Variants in KIAA1328 observed in about 807,000 individuals in gnomAD.
The protein encoded by KIAA1328 is KIAA1328, also known as protein hinderin.
A neutral mutation model predicts 68.1 loss-of-function variants in KIAA1328; 52 were observed. The observed-to-expected ratio is 0.76, with a 90% CI of 0.61 to 0.96. The LOEUF (loss-of-function observed/expected upper bound fraction) is 0.96, where lower values mean the gene tolerates loss of function less well. KIAA1328 is among the 40% of genes least tolerant of loss of function. KIAA1328 has a pLI of 0.00. For synonymous variants in KIAA1328, 232 were observed against 239.4 expected, an observed-to-expected ratio of 0.97 and a Z score of 0.28; for missense variants, 641 against 677.6, an observed-to-expected ratio of 0.95 and a Z score of 0.60.
rs114292805 is a variant in KIAA1328, at chr18:36,914,949, C to T, written c.448+29277C>T. ...GACTACATTCATGGAGTAGAAGATT[C>T]AACATAGTGAAGATGTTAATTATCC... On this transcript the variant is annotated intron_variant, in intron 5 of 9. Transcript: ENST00000280020. Among the ~76,000 whole-genome samples the T allele has an allele frequency of 2.8e-3, 428 of 152,158 alleles. 3 individuals are homozygous for T. The highest frequency in any genetic ancestry group is 9.9e-3 in the African/African-American group (409 of 41,520).
At position 36,940,921 on chromosome 18, in the gene KIAA1328, G is replaced by A. The variant is rs962618382; in HGVS notation, c.449-18387G>A. Among the ~76,000 whole-genome samples, 7 of 151,914 alleles carry A rather than the reference G, an allele frequency of 4.6e-5. 1 individual carries two copies. In the South Asian group the frequency reaches 1.0e-3, roughly 23 times the overall value. Reference sequence around the variant, plus strand: ...GATCTCTTGACCTTGTGATCCACCCGCCTCGGCCTCCCAAAGTGCTGGAAT... The same window carrying A: ...GATCTCTTGACCTTGTGATCCACCCACCTCGGCCTCCCAAAGTGCTGGAAT... On this transcript the variant is annotated intron_variant, in intron 5 of 9. Coordinates refer to ENST00000280020, the MANE Select transcript of KIAA1328 (RefSeq NM_020776.3).
chr18:37,111,889 CAG>C (rs1471579718), intron 7 of KIAA1328, among the ~76,000 whole-genome samples: 1 of 152,208 alleles, frequency 6.6e-6, no homozygotes, highest in Admixed American at 6.5e-5. Flanking sequence ...GTGCCTGGCT[CAG>C]AGGGTCCCAT....
chr18:37,220,410 T>C (rs924533016), intron 9 of KIAA1328, among the ~76,000 whole-genome samples: 2 of 152,252 alleles, frequency 1.3e-5, no homozygotes, highest in Non-Finnish European at 2.9e-5. Flanking sequence ...CATTAGAAAT[T>C]GCATATGAGA....
At chr18:37,197,660 T>C (rs560711610) in intron 9 of KIAA1328, among the ~76,000 whole-genome samples, 5 of 152,130 alleles carry the variant, frequency 3.3e-5, no homozygotes, top group African/African-American at 1.2e-4. Flanking sequence ...TGCAGAATAC[T>C]GAAGGATTCT....
In KIAA1328 at chr18:37,222,067, C is replaced by A; in HGVS notation, c.1574C>A (p.Ala525Glu). 3 of 1,613,608 alleles carry A rather than the reference C, an allele frequency of 1.9e-6. No homozygotes were observed. Among genetic ancestry groups the A allele is most frequent in the Non-Finnish European group, 2.5e-6 (3 of 1,179,730 alleles). Residue 525 changes from alanine to glutamate, a missense_variant, in exon 10 of 10, where the codon GCG becomes GAG. Transcript: ENST00000280020. ...DLVQSLSPNS[A>E]PKPQRYPSRE... is the part of the protein sequence containing the mutation. ...GTTCAGTCTCTGAGCCCAAACTCTGCGCCCAAACCTCAGCGCTATCCCTCC... is the reference window on the plus strand; with the variant it reads ...GTTCAGTCTCTGAGCCCAAACTCTGAGCCCAAACCTCAGCGCTATCCCTCC...
chr18:36,836,237 A>T (rs982346555), intron 3 of KIAA1328, among the ~76,000 whole-genome samples: 1 of 152,202 alleles, frequency 6.6e-6, no homozygotes, highest in African/African-American at 2.4e-5. Flanking sequence ...CAGTGTACCC[A>T]CTTCACACTG....
chr18:36,997,536 T>C (rs540844359), intron 6 of KIAA1328, among the ~76,000 whole-genome samples: 27 of 152,240 alleles, frequency 1.8e-4, no homozygotes, highest in African/African-American at 6.5e-4. Flanking sequence ...AACCATGGGT[T>C]GGGACTGCTT....
At chr18:37,043,221 C>T (rs566808147) in intron 6 of KIAA1328, among the ~76,000 whole-genome samples, 12 of 152,136 alleles carry the variant, frequency 7.9e-5, no homozygotes, top group Non-Finnish European at 1.6e-4. Flanking sequence ...TTTTTCTTTA[C>T]AAGTCCAATA....
chr18:36,914,201 A>G (rs1329544366), intron 5 of KIAA1328, among the ~76,000 whole-genome samples: 2 of 152,222 alleles, frequency 1.3e-5, no homozygotes, highest in African/African-American at 4.8e-5. Flanking sequence ...GAAATGCAAG[A>G]AACAAAGCCT....
intron 3 of KIAA1328, 76 bp from the exon 4 acceptor site, chr18:36,844,132 C>T: frequency 1.1e-6 from 1 of 877,006 alleles, no homozygotes; most frequent in South Asian, 1.7e-5. Context: ...AGAAATTTCA[C>T]CTTGCACCTA....
chr18:36,898,666 C>T (rs1035778387), intron 5 of KIAA1328, among the ~76,000 whole-genome samples: 9 of 151,910 alleles, frequency 5.9e-5, no homozygotes, highest in Non-Finnish European at 1.3e-4. Flanking sequence ...ATAGTGACGC[C>T]GCAGATTATA....
rs1423276022 is a variant in KIAA1328 at position 36,942,057 on chromosome 18, G to T, written c.449-17251G>T. Among the ~76,000 whole-genome samples the T allele has an allele frequency of 2.0e-5, 3 of 152,308 alleles. No individual in the cohort carries two copies. The East Asian group carries it at 5.8e-4, about 29-fold the overall frequency. ...AAGTATGCTTGTGGAAGTTAATATT[G>T]AAAGGGTTGCAGCTTCTGAGTTATT... is the stretch of plus-strand genomic sequence containing the variant. On this transcript the variant is annotated intron_variant, in intron 5 of 9. Transcript: ENST00000280020.
chr18:37,002,986 C>T (rs985609735), intron 6 of KIAA1328, among the ~76,000 whole-genome samples: 1 of 152,034 alleles, frequency 6.6e-6, no homozygotes, highest in African/African-American at 2.4e-5. Flanking sequence ...TAAAAATAGA[C>T]ATATAGACCA....
At chr18:36,898,524 A>G (rs768843437) in intron 5 of KIAA1328, among the ~76,000 whole-genome samples, 8 of 152,016 alleles carry the variant, frequency 5.3e-5, no homozygotes, top group Non-Finnish European at 8.8e-5. Flanking sequence ...AGAATGTTTT[A>G]TGAAACTATA....
At chr18:36,954,204 T>G (rs1598810326) in intron 5 of KIAA1328, among the ~76,000 whole-genome samples, 1 of 151,722 alleles carries the variant, frequency 6.6e-6, no homozygotes, top group South Asian at 2.1e-4. Flanking sequence ...GGGTTTCACC[T>G]TGTTAGCCAG....
intron 6 of KIAA1328, among the ~76,000 whole-genome samples, chr18:37,025,985 A>G (rs187730020): frequency 6.6e-6 from 1 of 152,340 alleles, no homozygotes; most frequent in East Asian, 1.9e-4. Flanking sequence ...AGCAAGACTA[A>G]CAAAGAAGAA....
At chr18:37,160,462 C>G in intron 8 of KIAA1328, 81 bp downstream of exon 8, 1 of 1,318,604 alleles carries the variant, frequency 7.6e-7, no homozygotes, top group Non-Finnish European at 1.0e-6. Flanking sequence ...AGATGATTTC[C>G]TACAATGCTG....
chr18:37,159,603 T>G (rs1337622107), intron 7 of KIAA1328, among the ~76,000 whole-genome samples: 1 of 152,212 alleles, frequency 6.6e-6, no homozygotes, highest in Non-Finnish European at 1.5e-5. Context: ...CACGGTTTAT[T>G]AGAGAAGAAA....
At chr18:36,942,211 C>A (rs1003150865) in intron 5 of KIAA1328, among the ~76,000 whole-genome samples, 1 of 152,104 alleles carries the variant, frequency 6.6e-6, no homozygotes, top group Non-Finnish European at 1.5e-5. Context: ...GGCCTGTTGG[C>A]GCATATTTTA....
Sources: allele counts gnomAD v4.1 joint callset (sites outside exome capture counted in the v4.1 genomes callset), GRCh38; gene constraint gnomAD v4.1.1; transcripts MANE v1.5; gene names NCBI Gene and HGNC (gene_info 2026-07-23, HGNC 2026-07-21).